The following INSL6 variants were observed in gnomAD, a reference collection of about 807,000 sequenced individuals.
The protein encoded by INSL6 is insulin like 6.
A neutral mutation model predicts 9.4 loss-of-function variants in INSL6; 16 were observed. The ratio of observed to expected loss-of-function variants is 1.70; its 90% CI spans 1.15 to 2.59. INSL6 has a LOEUF of 2.59. Among genes scored for constraint, INSL6 ranks in the 30% most tolerant of loss-of-function variants. The pLI, the probability that INSL6 is intolerant of heterozygous loss-of-function variation, is 0.00. For missense variants in INSL6, 391 were observed against 257.3 expected (o/e 1.52, Z -3.56); for synonymous variants, 154 against 96.9 (o/e 1.59, Z -3.46).
intron 2 of INSL6, among the ~76,000 whole-genome samples, chr9:5,136,717 A>G (rs2104594): frequency 0.24 from 36,672 of 152,142 alleles, 4,892 homozygotes; most frequent in South Asian, 0.3. Context: ...GCACAAGACA[A>G]GGATGCCTTC....
At chr9:5,179,774 G>C (rs1317004133) in intron 1 of INSL6, among the ~76,000 whole-genome samples, 5 of 152,172 alleles carry the variant, frequency 3.3e-5, no homozygotes, top group Non-Finnish European at 7.3e-5. Context: ...GTTCTCACTT[G>C]TAAGTGTGAA....
At chr9:5,045,011 G>C in the INSL6 span, among the ~76,000 whole-genome samples, 81 of 152,228 alleles carry the variant, frequency 5.3e-4, no homozygotes, top group African/African-American at 1.8e-3. Flanking sequence ...TAGTCTAAGA[G>C]CTATATTCAA....
chr9:5,031,131 G>C, the INSL6 span, among the ~76,000 whole-genome samples: 1 of 152,246 alleles, frequency 6.6e-6, no homozygotes, highest in South Asian at 2.1e-4. Context: ...ATATTACAAA[G>C]ATCAATTTCT....
chr9:5,127,910 G>T (rs12000101), intron 3 of INSL6: 18,525 of 232,198 alleles, frequency 0.08, 3,072 homozygotes, highest in African/African-American at 0.37. Flanking sequence ...AAGTATGCTT[G>T]TTAATTTTAT....
the INSL6 span, among the ~76,000 whole-genome samples, chr9:5,014,736 G>A: frequency 6.6e-6 from 1 of 152,164 alleles, no homozygotes; most frequent in Non-Finnish European, 1.5e-5. Flanking sequence ...TAGAATAGAT[G>A]TAACTTATAT....
At position 5,124,603 on chromosome 9, in the gene INSL6, G is replaced by A. The variant is rs115153550; in HGVS notation, c.*11-92C>T. The stretch of plus-strand genomic sequence containing the variant: ...CAAAAAGAGCCCTAATAGCAAAAGC[G>A]ATTCTAAGCAAAAAGAACAAAGCTG... On this transcript the variant is annotated intron_variant, in intron 3 of 3. Coordinates refer to the INSL6 transcript ENST00000649639. 2.7e-3 allele frequency among the ~76,000 whole-genome samples: 409 copies of A among 151,688 alleles called. 3 individuals carry two copies. The highest frequency in any genetic ancestry group is 9.5e-3 in the African/African-American group (396 of 41,484).
At chr9:5,118,914 T>C (rs533038095), downstream of INSL6, among the ~76,000 whole-genome samples, 2 of 152,334 alleles carry the variant, frequency 1.3e-5, no homozygotes, top group South Asian at 4.1e-4. Flanking sequence ...CAGGTTCATC[T>C]GTTTTCTCAA....
At chr9:5,113,006 G>T in the INSL6 span, among the ~76,000 whole-genome samples, 1 of 152,102 alleles carries the variant, frequency 6.6e-6, no homozygotes, top group South Asian at 2.1e-4. Context: ...GAGTGATGGG[G>T]GCAAGGAAGG....
chr9:5,159,793 C>A (rs1824886478), downstream of INSL6, among the ~76,000 whole-genome samples: 2 of 152,210 alleles, frequency 1.3e-5, no homozygotes, highest in Admixed American at 6.5e-5. Context: ...ATAGAACAAA[C>A]AGACCTAATA....
chr9:5,157,180 T>C (rs1023557920), intron 2 of INSL6, among the ~76,000 whole-genome samples: 1 of 152,156 alleles, frequency 6.6e-6, no homozygotes, highest in South Asian at 2.1e-4. Flanking sequence ...TCTCCTCAAA[T>C]TGATCTGTAG....
intron 2 of INSL6, among the ~76,000 whole-genome samples, chr9:5,155,470 T>A (rs1824796132): frequency 7.0e-6 from 1 of 141,912 alleles, no homozygotes. Flanking sequence ...AAACTTAAAG[T>A]ATAATTTAAA....
the INSL6 span, among the ~76,000 whole-genome samples, chr9:5,117,828 G>T: frequency 6.6e-6 from 1 of 152,138 alleles, no homozygotes. Flanking sequence ...TACTGACAGA[G>T]GGGACGTTGT....
the INSL6 span, among the ~76,000 whole-genome samples, chr9:5,015,814 A>T: frequency 6.6e-6 from 1 of 152,182 alleles, no homozygotes; most frequent in African/African-American, 2.4e-5. Flanking sequence ...ATTCTGGGAT[A>T]TGAGTGTATG....
At chr9:5,097,707 A>G in the INSL6 span, 1 of 152,184 alleles carries the variant, frequency 6.6e-6, no homozygotes, top group Non-Finnish European at 1.5e-5. Flanking sequence ...TTCTTTTCAC[A>G]GTAGGAGGTC....
downstream of INSL6, chr9:5,123,193 G>A: frequency 4.9e-6 from 5 of 1,028,492 alleles, no homozygotes. Flanking sequence ...TGGGGTACAA[G>A]TACAATTTTG....
chr9:5,037,060 A>G, the INSL6 span, among the ~76,000 whole-genome samples: 1 of 152,240 alleles, frequency 6.6e-6, no homozygotes, highest in Admixed American at 6.5e-5. Flanking sequence ...ATACGAACAG[A>G]CACTTCTTGA....
At chr9:5,019,295 A>C in the INSL6 span, among the ~76,000 whole-genome samples, 1 of 152,130 alleles carries the variant, frequency 6.6e-6, no homozygotes, top group Non-Finnish European at 1.5e-5. Context: ...CCTGTCTTCA[A>C]GTTCAGAAAT....
chr9:5,080,594 A>C, the INSL6 span: 1 of 1,608,012 alleles, frequency 6.2e-7, no homozygotes, highest in Non-Finnish European at 8.5e-7. Context: ...GAATTAGCAA[A>C]CCTTATAAAT....
chr9:5,085,160 C>G, the INSL6 span: 1 of 649,762 alleles, frequency 1.5e-6, no homozygotes, highest in Non-Finnish European at 3.0e-6. Flanking sequence ...GGAGCTCTGT[C>G]TACATCTCCC....
Sources: allele counts gnomAD v4.1 joint callset (sites outside exome capture counted in the v4.1 genomes callset), GRCh38; gene constraint gnomAD v4.1.1; transcripts MANE v1.5; gene names NCBI Gene and HGNC (gene_info 2026-07-23, HGNC 2026-07-21).